KCNT2: variants seen among roughly 807,000 people sequenced by gnomAD.
KCNT2 encodes potassium sodium-activated channel subfamily T member 2, also known as potassium channel subfamily T member 2.
KCNT2 carries 67 observed loss-of-function variants against 153.8 expected under a neutral mutation model. The ratio of observed to expected loss-of-function variants is 0.44; its 90% confidence interval spans 0.36 to 0.53. The LOEUF (loss-of-function observed/expected upper bound fraction) is 0.53, where lower values mean the gene tolerates loss of function less well. Ranked by LOEUF, KCNT2 falls within the 20% of genes least tolerant of loss-of-function variation. The pLI is 0.00. For missense variants in KCNT2, 975 were observed against 1,354.8 expected, an observed-to-expected ratio of 0.72 and a Z score of 4.40; for synonymous variants, 500 against 458.8, an observed-to-expected ratio of 1.09 and a Z score of -1.15.
At chr1:196,402,214 C>G (rs913367536) in intron 12 of KCNT2, among the ~76,000 whole-genome samples, 2 of 151,220 alleles carry the variant, frequency 1.3e-5, no homozygotes, top group Non-Finnish European at 3.0e-5. Context: ...AAAATGATAC[C>G]AGGGAGAAAG....
chr1:196,569,404 T>G (rs560054687), intron 1 of KCNT2, among the ~76,000 whole-genome samples: 1 of 152,314 alleles, frequency 6.6e-6, no homozygotes, highest in Admixed American at 6.5e-5. Flanking sequence ...TTCTCAACAT[T>G]TATGTTTCAG....
At chr1:196,397,708 G>A (rs544505936) in intron 13 of KCNT2, among the ~76,000 whole-genome samples, 1 of 151,484 alleles carries the variant, frequency 6.6e-6, no homozygotes, top group South Asian at 2.1e-4. Flanking sequence ...AAATTCCCTA[G>A]TATTTACAAT....
intron 10 of KCNT2, 124 bp downstream of exon 10, chr1:196,427,981 C>T (rs1381789305): frequency 1.6e-6 from 1 of 607,504 alleles, no homozygotes; most frequent in Admixed American, 2.9e-5. Flanking sequence ...TTCATTTACT[C>T]CTTCTATATT....
intron 12 of KCNT2, among the ~76,000 whole-genome samples, chr1:196,404,864 T>C (rs1014559325): frequency 2.9e-4 from 44 of 151,674 alleles, no homozygotes; most frequent in African/African-American, 9.9e-4. Flanking sequence ...TTCATATTGA[T>C]AGTGTGAACA....
At chr1:196,594,001 TAC>T (rs1358238425) in intron 1 of KCNT2, among the ~76,000 whole-genome samples, 1 of 151,664 alleles carries the variant, frequency 6.6e-6, no homozygotes, top group Non-Finnish European at 1.5e-5. Context: ...CACACACACA[TAC>T]ACACACACAA....
chr1:196,367,832 T>C (rs1668171908), intron 14 of KCNT2, among the ~76,000 whole-genome samples: 2 of 152,142 alleles, frequency 1.3e-5, no homozygotes, highest in Non-Finnish European at 2.9e-5. Context: ...AATTATATGT[T>C]AAAAGGCAAT....
intron 21 of KCNT2, among the ~76,000 whole-genome samples, chr1:196,312,331 G>C (rs1371144991): frequency 6.6e-6 from 1 of 151,628 alleles, no homozygotes; most frequent in African/African-American, 2.4e-5. Flanking sequence ...CTCTGGACTG[G>C]AGGTAGTTCC....
chr1:196,366,690 T>C (rs1026157886), intron 14 of KCNT2, among the ~76,000 whole-genome samples: 1 of 152,178 alleles, frequency 6.6e-6, no homozygotes, highest in Non-Finnish European at 1.5e-5. Flanking sequence ...CCCTACTTAA[T>C]TTTTCTCCAT....
intron 1 of KCNT2, among the ~76,000 whole-genome samples, chr1:196,580,029 GAAT>G (rs1168112155): frequency 6.6e-6 from 1 of 152,112 alleles, no homozygotes; most frequent in Non-Finnish European, 1.5e-5. Context: ...TGGAAAGGTA[GAAT>G]AAAAAGATTT....
intron 13 of KCNT2, among the ~76,000 whole-genome samples, chr1:196,395,705 G>A (rs906061813): frequency 2.0e-4 from 30 of 151,450 alleles, no homozygotes; most frequent in Non-Finnish European, 2.1e-4. Flanking sequence ...TCCAGAATTC[G>A]CAGTTTCAAT....
At chr1:196,358,281 G>T (rs1465408268) in intron 14 of KCNT2, among the ~76,000 whole-genome samples, 1 of 150,552 alleles carries the variant, frequency 6.6e-6, no homozygotes, top group East Asian at 2.0e-4. Context: ...ATTTCAACAG[G>T]TCTTTCCTCT....
chr1:196,478,610 C>A (rs1180940253), intron 5 of KCNT2, among the ~76,000 whole-genome samples: 1 of 152,032 alleles, frequency 6.6e-6, no homozygotes, highest in African/African-American at 2.4e-5. Flanking sequence ...TATAAAACCC[C>A]ACAGTACTTT....
intron 16 of KCNT2, among the ~76,000 whole-genome samples, chr1:196,335,457 A>G (rs1664931503): frequency 6.6e-6 from 1 of 152,168 alleles, no homozygotes; most frequent in Non-Finnish European, 1.5e-5. Flanking sequence ...AAATCTGTAC[A>G]GCATGTTACT....
chr1:196,597,812 C>T (rs910882419), intron 1 of KCNT2, among the ~76,000 whole-genome samples: 1 of 152,122 alleles, frequency 6.6e-6, no homozygotes, highest in African/African-American at 2.4e-5. Context: ...GCATGAATTT[C>T]TGTGAACCAC....
chr1:196,341,935 G>T, intron 15 of KCNT2, 144 bp downstream of exon 15: 1 of 693,976 alleles, frequency 1.4e-6, no homozygotes, highest in Non-Finnish European at 2.3e-6. Flanking sequence ...GGGTTCAAAT[G>T]TTTCAACATT....
Position 196,228,040 on chromosome 1 carries a change from A to G in KCNT2, c.*184T>C, listed in dbSNP as rs2102203715. 7.1e-6 allele frequency: 3 copies of G among 424,884 alleles called. No individual in the cohort carries two copies. In the East Asian group the frequency reaches 1.1e-4, roughly 16 times the overall value. The allele number at this position is 424,884 out of a possible 1,614,324, so 26.3% of individuals were successfully genotyped here. On this transcript the variant is annotated 3_prime_UTR_variant, in exon 28 of 28. Transcript: ENST00000294725. ...TTCCATTGAGGTCCTTCAAATATTAATAGGGAGAGTACCAGTAAGTAGTAC... is the reference window on the plus strand; with the variant it reads ...TTCCATTGAGGTCCTTCAAATATTAGTAGGGAGAGTACCAGTAAGTAGTAC...
At chr1:196,564,692 A>G (rs1411203335) in intron 1 of KCNT2, among the ~76,000 whole-genome samples, 1 of 151,832 alleles carries the variant, frequency 6.6e-6, no homozygotes. Flanking sequence ...AGAAATAAAT[A>G]GATACTTTAA....
chr1:196,359,501 T>C (rs1173424441), intron 14 of KCNT2, among the ~76,000 whole-genome samples: 1 of 152,016 alleles, frequency 6.6e-6, no homozygotes, highest in Non-Finnish European at 1.5e-5. Context: ...ATCATCTCAA[T>C]CTTTAGTGCA....
chr1:196,260,811 G>A (rs1202446176), intron 25 of KCNT2, among the ~76,000 whole-genome samples: 1 of 151,608 alleles, frequency 6.6e-6, no homozygotes, highest in Non-Finnish European at 1.5e-5. Context: ...AAACTGCATA[G>A]CCCCTATAAA....
Sources: allele counts gnomAD v4.1 joint callset (sites outside exome capture counted in the v4.1 genomes callset), GRCh38; gene constraint gnomAD v4.1.1; transcripts MANE v1.5; gene names NCBI Gene and HGNC (gene_info 2026-07-23, HGNC 2026-07-21).